The following AUTS2 variants were observed in gnomAD, a reference collection of about 807,000 sequenced individuals.
The protein encoded by AUTS2 is activator of transcription and developmental regulator AUTS2.
In AUTS2, 17 loss-of-function variants were observed where a neutral mutation model predicts 112.4. That is an observed-to-expected ratio of 0.15 (90% CI 0.10 to 0.23). The LOEUF is 0.23. Ranked by LOEUF, AUTS2 falls within the 10% of genes least tolerant of loss-of-function variation. The probability of loss-of-function intolerance (pLI) is 1.00; values close to 1 mark genes in which losing one functional copy is unlikely to be tolerated. For synonymous variants in AUTS2, 751 were observed against 702.7 expected (o/e 1.07, Z -1.09); for missense variants, 1,510 against 1,701.6 (o/e 0.89, Z 1.98).
At chr7:70,173,467 T>C (rs761879679) in intron 4 of AUTS2, among the ~76,000 whole-genome samples, 14 of 152,124 alleles carry the variant, frequency 9.2e-5, no homozygotes, top group Admixed American at 2.0e-4. Flanking sequence ...CTGGCATTAA[T>C]TGGGGGACAG....
chr7:70,776,897 C>T (rs1790736031), intron 13 of AUTS2: 2 of 609,338 alleles, frequency 3.3e-6, no homozygotes, highest in Non-Finnish European at 2.9e-6. Flanking sequence ...AGCAAACCCA[C>T]GTGGGGAGAG....
intron 2 of AUTS2, among the ~76,000 whole-genome samples, chr7:69,905,511 A>C (rs553125496): frequency 3.3e-5 from 5 of 152,272 alleles, no homozygotes; most frequent in African/African-American, 1.2e-4. Flanking sequence ...TCCAAAGCCT[A>C]GAGAGCCTAG....
intron 6 of AUTS2, among the ~76,000 whole-genome samples, chr7:70,760,155 G>A (rs955939453): frequency 9.2e-5 from 14 of 152,018 alleles, no homozygotes; most frequent in Non-Finnish European, 1.8e-4. Flanking sequence ...ACAGGCACCC[G>A]CCACCACGCC....
intron 2 of AUTS2, among the ~76,000 whole-genome samples, chr7:69,940,217 G>T (rs956805333): frequency 1.3e-5 from 2 of 152,156 alleles, no homozygotes; most frequent in African/African-American, 4.8e-5. Context: ...CTAACTTCTG[G>T]CTGGACCCCT....
In AUTS2 at chr7:69,943,194, A is replaced by G. The variant is rs536445300; in HGVS notation, c.522+43696A>G. Reference sequence around the variant, plus strand: ...ATAAGGATGTTGGGGAAGTTTCCCTATCTGTTAACTGAGAATAATACTACT... The same window carrying G: ...ATAAGGATGTTGGGGAAGTTTCCCTGTCTGTTAACTGAGAATAATACTACT... On this transcript the variant is annotated intron_variant, in intron 2 of 18. Transcript: ENST00000342771. Among the ~76,000 whole-genome samples, 34 of 152,342 alleles carry G rather than the reference A, an allele frequency of 2.2e-4. No homozygotes were observed. The South Asian group carries it at 6.8e-3, about 31-fold the overall frequency.
chr7:69,916,748 T>C (rs1795596493), intron 2 of AUTS2, among the ~76,000 whole-genome samples: 1 of 152,212 alleles, frequency 6.6e-6, no homozygotes, highest in Admixed American at 6.5e-5. Flanking sequence ...ATTTCTTATC[T>C]GACCCTCTCT....
chr7:70,061,936 C>T (rs1264392563), intron 2 of AUTS2, among the ~76,000 whole-genome samples: 3 of 151,678 alleles, frequency 2.0e-5, no homozygotes, highest in Non-Finnish European at 4.4e-5. Context: ...TACAGGCTCC[C>T]GCCACCATGC....
chr7:70,070,069 C>T (rs1802683204), intron 2 of AUTS2, among the ~76,000 whole-genome samples: 1 of 152,058 alleles, frequency 6.6e-6, no homozygotes, highest in Non-Finnish European at 1.5e-5. Flanking sequence ...TCTAAAAGGG[C>T]ACCAGGTCTT....
chr7:69,809,101 G>A (rs750141818), intron 1 of AUTS2, among the ~76,000 whole-genome samples: 10 of 151,648 alleles, frequency 6.6e-5, no homozygotes, highest in Non-Finnish European at 1.5e-4. Context: ...CTGAGATGGA[G>A]TCTCGCTCCG....
intron 1 of AUTS2, among the ~76,000 whole-genome samples, chr7:69,744,665 CA>C (rs1787410450): frequency 7.0e-6 from 1 of 142,224 alleles, no homozygotes; most frequent in South Asian, 2.2e-4. Context: ...AGACTCCCCA[CA>C]CTACAAAAAA....
intron 1 of AUTS2, among the ~76,000 whole-genome samples, chr7:69,710,350 T>C (rs1456306175): frequency 6.6e-6 from 1 of 152,220 alleles, no homozygotes; most frequent in Non-Finnish European, 1.5e-5. Context: ...TTAAGCCTGT[T>C]ACTAGTTGTA....
At chr7:69,743,940 G>A (rs1787373816) in intron 1 of AUTS2, among the ~76,000 whole-genome samples, 1 of 151,930 alleles carries the variant, frequency 6.6e-6, no homozygotes, top group South Asian at 2.1e-4. Context: ...TGGGACTGTA[G>A]GCATGTGCCA....
intron 1 of AUTS2, among the ~76,000 whole-genome samples, chr7:69,714,247 ATATGTGTGTGTGTGTG>A (rs1414008376): frequency 0.11 from 4,644 of 42,310 alleles, 262 homozygotes; most frequent in African/African-American, 0.27. Flanking sequence ...ATGTGTGTGT[ATATGTGTGTGTGTGTG>A]TGTGTGTGTG....
intron 6 of AUTS2, among the ~76,000 whole-genome samples, chr7:70,701,202 T>G (rs972721372): frequency 6.6e-6 from 1 of 152,170 alleles, no homozygotes; most frequent in African/African-American, 2.4e-5. Context: ...TCCATAAAAT[T>G]TCACCGTGGG....
intron 4 of AUTS2, among the ~76,000 whole-genome samples, chr7:70,149,309 G>A (rs1266000729): frequency 7.9e-5 from 12 of 151,972 alleles, no homozygotes. Flanking sequence ...TAAGCGGTTT[G>A]GAGACCAAAA....
intron 1 of AUTS2, among the ~76,000 whole-genome samples, chr7:69,709,591 A>G (rs555628441): frequency 6.6e-6 from 1 of 152,328 alleles, no homozygotes; most frequent in Admixed American, 6.5e-5. Context: ...CTTGGAAATA[A>G]GCACATTTCT....
intron 5 of AUTS2, among the ~76,000 whole-genome samples, chr7:70,613,684 C>G (rs1032981416): frequency 6.6e-6 from 1 of 152,122 alleles, no homozygotes; most frequent in Non-Finnish European, 1.5e-5. Context: ...CTGGATGTCA[C>G]TCAGAGAGAG....
chr7:70,630,879 T>C (rs548911742), intron 5 of AUTS2, among the ~76,000 whole-genome samples: 1 of 152,342 alleles, frequency 6.6e-6, no homozygotes, highest in South Asian at 2.1e-4. Flanking sequence ...GTAACACACA[T>C]GCACAGTTGA....
chr7:70,644,008 T>C (rs747256536), intron 5 of AUTS2, among the ~76,000 whole-genome samples: 1 of 152,180 alleles, frequency 6.6e-6, no homozygotes, highest in Non-Finnish European at 1.5e-5. Flanking sequence ...CCTGAGAATT[T>C]GCTTTCCTGA....
Sources: gnomAD v4.1 joint callset for allele counts (sites outside exome capture counted in the v4.1 genomes callset) on GRCh38, gnomAD v4.1.1 for gene constraint, MANE v1.5 for transcripts, NCBI Gene and HGNC (gene_info 2026-07-23, HGNC 2026-07-21) for gene names.